DRG1: variants seen among roughly 807,000 people sequenced by gnomAD.
DRG1 encodes the protein developmentally regulated GTP binding protein 1.
DRG1 carries 19 observed loss-of-function variants against 38.8 expected under a neutral mutation model. The observed-to-expected ratio is 0.49, with a 90% CI of 0.34 to 0.72. The LOEUF is 0.72. Among genes scored for constraint, DRG1 ranks in the 30% least tolerant of loss-of-function variants. DRG1 has a pLI of 0.01. For missense variants in DRG1, 299 were observed against 444.8 expected (o/e 0.67, Z 2.95); for synonymous variants, 167 against 157.5 (o/e 1.06, Z -0.45).
chr22:31,407,519 A>G (rs141325737), intron 3 of DRG1, among the ~76,000 whole-genome samples: 1 of 152,054 alleles, frequency 6.6e-6, no homozygotes, highest in African/African-American at 2.4e-5. Flanking sequence ...ATTTTTTTGT[A>G]GAGACAGAGT....
chr22:31,405,816 G>C (rs865877023), intron 3 of DRG1, among the ~76,000 whole-genome samples: 3 of 151,944 alleles, frequency 2.0e-5, no homozygotes, highest in Non-Finnish European at 4.4e-5. Flanking sequence ...AGCCTCCCAA[G>C]TAGCTGGGAT....
chr22:31,417,337 C>G (rs1455385860), intron 4 of DRG1, among the ~76,000 whole-genome samples: 1 of 151,798 alleles, frequency 6.6e-6, no homozygotes, highest in African/African-American at 2.4e-5. Flanking sequence ...CACCACTGCA[C>G]TCCAGCCTGG....
intron 6 of DRG1, among the ~76,000 whole-genome samples, chr22:31,425,977 A>G (rs1306655058): frequency 6.6e-6 from 1 of 152,202 alleles, no homozygotes; most frequent in Non-Finnish European, 1.5e-5. Context: ...TAGCTGTCAT[A>G]TTGATTGGAC....
At position 31,399,682 on chromosome 22, in the gene DRG1, C is replaced by A; in HGVS notation, c.-2C>A. The A allele has an allele frequency of 3.1e-6, 5 of 1,614,032 alleles. No homozygotes were observed. Among genetic ancestry groups the A allele is most frequent in the Non-Finnish European group, 4.2e-6 (5 of 1,179,894 alleles). On this transcript the variant is annotated 5_prime_UTR_variant, in exon 1 of 9. Transcript: ENST00000331457. The stretch of plus-strand genomic sequence containing the variant: ...TGTGGAGGCCACAGGGTACTCGCCA[C>A]GATGAGCAGCACCTTAGCTAAGATC...
chr22:31,412,352 CTTTT>C (rs539328480), intron 4 of DRG1, among the ~76,000 whole-genome samples: 1 of 127,274 alleles, frequency 7.9e-6, no homozygotes. Context: ...TTCTTTCTTT[CTTTT>C]TTTTTTTTTT....
chr22:31,405,677 G>C (rs565687737), intron 3 of DRG1, among the ~76,000 whole-genome samples: 2 of 146,308 alleles, frequency 1.4e-5, no homozygotes, highest in East Asian at 2.1e-4. Context: ...ATGTGTGTGT[G>C]TGTGGGGGGG....
intron 6 of DRG1, among the ~76,000 whole-genome samples, chr22:31,424,712 G>C (rs1365598658): frequency 6.7e-6 from 1 of 148,710 alleles, no homozygotes; most frequent in East Asian, 2.0e-4. Flanking sequence ...GGCCAGGCTG[G>C]TCTTGAACTC....
At chr22:31,433,173 A>C (rs561185019) in intron 8 of DRG1, among the ~76,000 whole-genome samples, 1 of 152,286 alleles carries the variant, frequency 6.6e-6, no homozygotes, top group South Asian at 2.1e-4. Flanking sequence ...CAGGAAACCC[A>C]GCAAAAACAG....
At chr22:31,428,739 T>G (rs2050124253) in intron 8 of DRG1, among the ~76,000 whole-genome samples, 1 of 152,242 alleles carries the variant, frequency 6.6e-6, no homozygotes, top group South Asian at 2.1e-4. Context: ...CAGTAATATT[T>G]CCTTAGACTT....
chr22:31,412,518 T>G (rs1419497001), intron 4 of DRG1, among the ~76,000 whole-genome samples: 12 of 150,988 alleles, frequency 7.9e-5, no homozygotes, highest in African/African-American at 2.9e-4. Context: ...GCACGGCTAT[T>G]TTTTGTATTT....
rs769880372 is a variant in DRG1 at position 31,403,194 on chromosome 22, C to G, written c.332C>G (p.Ala111Gly). Reference sequence around the variant, plus strand: ...CCTGGTGTCATCAGATACAAAGGTGCCAAGATCCAGGTGAGTCAAGCCTGC... The same window carrying G: ...CCTGGTGTCATCAGATACAAAGGTGGCAAGATCCAGGTGAGTCAAGCCTGC... The part of the protein sequence containing the change: ...TVPGVIRYKG[A>G]KIQLLDLPGI... Residue 111 changes from alanine (A) to glycine (G), a missense_variant, in exon 3 of 9, where the codon GCC (alanine) becomes GGC (glycine). Physicochemically the swap from Ala to Gly is moderately conservative, Grantham distance 60 (BLOSUM62 0). Transcript: ENST00000331457. The G allele has an allele frequency of 4.4e-6, 7 of 1,608,170 alleles. No homozygotes were observed. Among genetic ancestry groups the G allele is most frequent in the Non-Finnish European group, 4.2e-6 (5 of 1,177,692 alleles).
rs1301693873 is a variant in DRG1, at chr22:31,433,997, G to A, written c.*26G>A. ...AACCTTTCCCTTTTCCCATCTGCCG[G>A]ACGAACCACAACAGCGTTCCCCATG... On this transcript the variant is annotated 3_prime_UTR_variant, in exon 9 of 9. Coordinates refer to ENST00000331457, the MANE Select transcript of DRG1 (RefSeq NM_004147.4). 6.2e-7 allele frequency: 1 copy of A among 1,605,172 alleles called. No individual in the cohort carries two copies. Among genetic ancestry groups the A allele is most frequent in the East Asian group, 2.2e-5 (1 of 44,810 alleles).
At chr22:31,416,297 GAA>G (rs2050044124) in intron 4 of DRG1, among the ~76,000 whole-genome samples, 1 of 152,084 alleles carries the variant, frequency 6.6e-6, no homozygotes, top group Non-Finnish European at 1.5e-5. Context: ...ACAAAAAAAA[GAA>G]GTCAGATCAT....
intron 3 of DRG1, among the ~76,000 whole-genome samples, chr22:31,410,456 A>AAAAC (rs72248884): frequency 6.6e-5 from 10 of 151,868 alleles, no homozygotes; most frequent in African/African-American, 1.7e-4. Flanking sequence ...CTCCTCTCCC[A>AAAAC]AAACAAACAA....
At chr22:31,402,374 T>G (rs2049967272) in intron 2 of DRG1, among the ~76,000 whole-genome samples, 1 of 152,158 alleles carries the variant, frequency 6.6e-6, no homozygotes, top group African/African-American at 2.4e-5. Flanking sequence ...AAACTCTTTT[T>G]AATTAATTAA....
At position 31,433,999 on chromosome 22, in the gene DRG1, C is replaced by G. The variant is rs374964620; in HGVS notation, c.*28C>G. On this transcript the variant is annotated 3_prime_UTR_variant, in exon 9 of 9. Transcript: ENST00000331457. ...CCTTTCCCTTTTCCCATCTGCCGGACGAACCACAACAGCGTTCCCCATGAT... is the reference window on the plus strand; with the variant it reads ...CCTTTCCCTTTTCCCATCTGCCGGAGGAACCACAACAGCGTTCCCCATGAT... 6.3e-7 allele frequency: 1 copy of G among 1,599,704 alleles called. No homozygotes were observed. Among genetic ancestry groups the G allele is most frequent in the Non-Finnish European group, 8.6e-7 (1 of 1,168,074 alleles).
chr22:31,433,346 C>CT (rs1364679333), intron 8 of DRG1, among the ~76,000 whole-genome samples: 1 of 149,142 alleles, frequency 6.7e-6, no homozygotes, highest in East Asian at 2.0e-4. Context: ...TCTTGGCTCA[C>CT]TGCAACCTCC....
chr22:31,415,990 T>C (rs2050042617), intron 4 of DRG1, among the ~76,000 whole-genome samples: 1 of 152,162 alleles, frequency 6.6e-6, no homozygotes, highest in South Asian at 2.1e-4. Context: ...TGCTCTGTAG[T>C]ATCTTCTCAC....
Position 31,434,145 on chromosome 22 carries a change from C to T in DRG1, c.*174C>T. On this transcript the variant is annotated 3_prime_UTR_variant, in exon 9 of 9. Coordinates refer to ENST00000331457, the MANE Select transcript of DRG1 (RefSeq NM_004147.4). ...CTTACCTTGGTGTCACCTTGTATGT[C>T]GAACTGCATAAAAGATCTGGTAGGC... 6.9e-6 allele frequency: 4 copies of T among 577,504 alleles called. No homozygotes were observed. Among genetic ancestry groups the T allele is most frequent in the East Asian group, 3.0e-5 (1 of 33,232 alleles). The allele number at this position is 577,504 out of a possible 1,614,324, so 35.8% of individuals were successfully genotyped here.
Sources: allele counts gnomAD v4.1 joint callset (sites outside exome capture counted in the v4.1 genomes callset), GRCh38; gene constraint gnomAD v4.1.1; transcripts MANE v1.5; gene names NCBI Gene and HGNC (gene_info 2026-07-23, HGNC 2026-07-21).